Variants in RPRD1A observed in about 807,000 individuals in gnomAD.
RPRD1A encodes regulation of nuclear pre-mRNA domain-containing protein 1A.
RPRD1A carries 9 observed loss-of-function variants against 37.8 expected under a neutral mutation model. That is an observed-to-expected ratio of 0.24 (90% CI 0.14 to 0.42). The LOEUF (loss-of-function observed/expected upper bound fraction) is 0.42. Among genes scored for constraint, RPRD1A ranks in the 10% least tolerant of loss-of-function variants. The pLI is 1.00. For synonymous variants in RPRD1A, 138 were observed against 139.7 expected (o/e 0.99, Z 0.08); for missense variants, 255 against 371.0 (o/e 0.69, Z 2.57).
chr18:36,022,510 G>A (rs1485733879), intron 6 of RPRD1A, among the ~76,000 whole-genome samples: 1 of 152,148 alleles, frequency 6.6e-6, no homozygotes, highest in Non-Finnish European at 1.5e-5. Context: ...TTAAGTAGAG[G>A]CCAATGTTCA....
intron 1 of RPRD1A, among the ~76,000 whole-genome samples, chr18:36,049,835 T>A (rs1187556918): frequency 1.3e-5 from 2 of 152,196 alleles, no homozygotes; most frequent in Admixed American, 6.5e-5. Context: ...GAGTTTATAC[T>A]CAGGTGGAAT....
At chr18:36,041,538 A>G (rs1912579734) in intron 1 of RPRD1A, among the ~76,000 whole-genome samples, 1 of 152,212 alleles carries the variant, frequency 6.6e-6, no homozygotes, top group Admixed American at 6.5e-5. Flanking sequence ...GTAGTGCAAC[A>G]AACAAATTAA....
intron 6 of RPRD1A, chr18:36,024,932 T>G (rs974314287): frequency 6.6e-6 from 1 of 152,208 alleles, no homozygotes; most frequent in Non-Finnish European, 1.5e-5. Flanking sequence ...GTAAAGAGTA[T>G]TTACTTGTTA....
chr18:36,000,367 GAATT>G (rs932195289), intron 6 of RPRD1A, among the ~76,000 whole-genome samples: 2 of 152,126 alleles, frequency 1.3e-5, no homozygotes, highest in African/African-American at 4.8e-5. Flanking sequence ...CTTTTGGTGG[GAATT>G]ACTTTAATGT....
At chr18:36,025,699 A>C in intron 6 of RPRD1A, 1 of 1,246,516 alleles carries the variant, frequency 8.0e-7, no homozygotes, top group Non-Finnish European at 1.0e-6. Context: ...AGCTCAATAG[A>C]AGTTAAAGAA....
chr18:36,025,555 C>G, intron 6 of RPRD1A: 1 of 947,832 alleles, frequency 1.1e-6, no homozygotes, highest in African/African-American at 1.7e-5. Context: ...AATAAAGTTA[C>G]AGTCTTCTCT....
rs1908726272 is a variant in RPRD1A at position 35,991,673 on chromosome 18, C to T, written c.*1478G>A. On this transcript the variant is annotated 3_prime_UTR_variant, in exon 7 of 7. Coordinates refer to ENST00000399022, the MANE Select transcript of RPRD1A (RefSeq NM_018170.5). ...ATTATTAGTAGTGCATGGATGAGCA[C>T]TACTTATATGTGTCTCTGTTTTGGA... The T allele has an allele frequency of 6.6e-6, 1 of 152,154 alleles. No homozygotes were observed. The highest frequency in any genetic ancestry group is 2.4e-5 in the African/African-American group (1 of 41,434). The allele number at this position is 152,154 out of a possible 1,614,324, so 9.4% of individuals were successfully genotyped here.
At chr18:36,026,209 T>C (rs1358068965) in intron 6 of RPRD1A, 5 of 152,476 alleles carry the variant, frequency 3.3e-5, no homozygotes, top group Non-Finnish European at 4.4e-5. Context: ...TTCTCCTACA[T>C]ATTATTACAA....
chr18:36,042,338 C>CA (rs1912640613), intron 1 of RPRD1A, among the ~76,000 whole-genome samples: 1 of 152,174 alleles, frequency 6.6e-6, no homozygotes, highest in African/African-American at 2.4e-5. Flanking sequence ...CCATTGAGAG[C>CA]AATGACTGTC....
At chr18:36,051,536 C>T (rs914199908) in intron 1 of RPRD1A, among the ~76,000 whole-genome samples, 3 of 151,106 alleles carry the variant, frequency 2.0e-5, no homozygotes, top group African/African-American at 7.4e-5. Context: ...TCTCTAATAC[C>T]CCTTCCAATT....
intron 1 of RPRD1A, among the ~76,000 whole-genome samples, chr18:36,046,953 A>G (rs1464576312): frequency 6.6e-6 from 1 of 152,036 alleles, no homozygotes; most frequent in South Asian, 2.1e-4. Flanking sequence ...GGAAAAAACC[A>G]TCAACAGATC....
chr18:36,044,621 G>C (rs1489159535), intron 1 of RPRD1A, among the ~76,000 whole-genome samples: 3 of 151,998 alleles, frequency 2.0e-5, no homozygotes, highest in Non-Finnish European at 4.4e-5. Flanking sequence ...CCAGGAGGTG[G>C]AGGTTACAGT....
intron 1 of RPRD1A, among the ~76,000 whole-genome samples, chr18:36,065,867 G>T (rs781397150): frequency 6.6e-6 from 1 of 151,976 alleles, no homozygotes; most frequent in South Asian, 2.1e-4. Flanking sequence ...CCTATAAACA[G>T]TACTGCCATT....
At chr18:36,020,284 G>T (rs983750627) in intron 6 of RPRD1A, among the ~76,000 whole-genome samples, 5 of 152,148 alleles carry the variant, frequency 3.3e-5, no homozygotes, top group African/African-American at 9.7e-5. Flanking sequence ...AAAGATGGAA[G>T]ATAAGAAGCT....
intron 1 of RPRD1A, among the ~76,000 whole-genome samples, chr18:36,052,569 T>C (rs1694258674): frequency 6.6e-6 from 1 of 152,142 alleles, no homozygotes; most frequent in South Asian, 2.1e-4. Context: ...AGTTTTTGTA[T>C]GCTATTGAAG....
chr18:36,005,058 T>G (rs111231855), intron 6 of RPRD1A, among the ~76,000 whole-genome samples: 13 of 152,336 alleles, frequency 8.5e-5, no homozygotes, highest in African/African-American at 2.6e-4. Context: ...TCCCAGCGTT[T>G]TGGGAGGCCG....
At chr18:36,003,884 G>A (rs569309467) in intron 6 of RPRD1A, among the ~76,000 whole-genome samples, 72 of 151,408 alleles carry the variant, frequency 4.8e-4, no homozygotes, top group African/African-American at 1.7e-3. Context: ...CTGTAGTCTC[G>A]ACCTCCTGGG....
intron 1 of RPRD1A, among the ~76,000 whole-genome samples, chr18:36,042,593 A>G (rs1465086815): frequency 1.3e-5 from 2 of 152,242 alleles, no homozygotes; most frequent in Admixed American, 1.3e-4. Flanking sequence ...CGTTTTTTAA[A>G]TGTATTGAAG....
chr18:35,999,629 T>C (rs1313143450), intron 6 of RPRD1A, among the ~76,000 whole-genome samples: 2 of 151,854 alleles, frequency 1.3e-5, no homozygotes, highest in Non-Finnish European at 2.9e-5. Context: ...TTATCTTTCC[T>C]ACATAATTGT....
Sources: gnomAD v4.1 joint callset for allele counts (sites outside exome capture counted in the v4.1 genomes callset) on GRCh38, gnomAD v4.1.1 for gene constraint, MANE v1.5 for transcripts, NCBI Gene and HGNC (gene_info 2026-07-23, HGNC 2026-07-21) for gene names.